Variants in OTC observed in about 807,000 individuals in gnomAD.
OTC encodes the protein ornithine transcarbamylase, mitochondrial.
Under a neutral mutation model 30.3 loss-of-function variants are expected in OTC, and 3 were observed. The ratio of observed to expected loss-of-function variants is 0.10; its 90% CI spans 0.05 to 0.26. The LOEUF (loss-of-function observed/expected upper bound fraction) is 0.26, where lower values mean the gene tolerates loss of function less well. Among genes scored for constraint, OTC ranks in the 10% least tolerant of loss-of-function variants. The pLI, the probability that OTC is intolerant of heterozygous loss-of-function variation, is 1.00. For missense variants in OTC, 194 were observed against 260.3 expected (o/e 0.75, Z 1.75); for synonymous variants, 111 against 99.7 (o/e 1.11, Z -0.67).
chrX:38,419,263 G>T (rs905759690), intron 9 of OTC, among the ~76,000 whole-genome samples: 1 of 111,933 alleles, frequency 8.9e-6, no homozygotes, highest in Non-Finnish European at 1.9e-5. Flanking sequence ...TTAAAATCAA[G>T]GAGTGTGATG....
chrX:38,400,562 G>A (rs2068480492), intron 4 of OTC, among the ~76,000 whole-genome samples: 1 of 111,773 alleles, frequency 8.9e-6, no homozygotes, highest in South Asian at 3.8e-4. Flanking sequence ...AAGGATGCGT[G>A]GGTAGGGAGA....
chrX:38,410,047 TTTA>T (rs1272316076), intron 8 of OTC, among the ~76,000 whole-genome samples: 1 of 111,695 alleles, frequency 9.0e-6, no homozygotes. Context: ...TACTTATTTA[TTTA>T]TTATTATTCT....
At chrX:38,347,266 A>G in the OTC span, among the ~76,000 whole-genome samples, 2 of 112,189 alleles carry the variant, frequency 1.8e-5, no homozygotes, top group Non-Finnish European at 3.8e-5. Flanking sequence ...TGAAGTGGCA[A>G]GTGGTAGGGA....
chrX:38,360,390 A>G (rs62589173), intron 1 of OTC, among the ~76,000 whole-genome samples: 39,021 of 110,918 alleles, frequency 0.35, 5,790 homozygotes, highest in Middle Eastern at 0.51. Context: ...TTTGTGGATC[A>G]TATGTAATCC....
intron 1 of OTC, among the ~76,000 whole-genome samples, chrX:38,355,882 C>CA (rs947061296): frequency 9.1e-6 from 1 of 110,141 alleles, no homozygotes; most frequent in Non-Finnish European, 1.9e-5. Context: ...GTTAAAAATA[C>CA]AAAAAAAGAA....
intron 3 of OTC, among the ~76,000 whole-genome samples, chrX:38,375,484 G>C (rs773148179): frequency 1.6e-4 from 18 of 111,576 alleles, no homozygotes; most frequent in African/African-American, 2.6e-4. Flanking sequence ...ATAGAAGCTG[G>C]GGTTGTGGTG....
chrX:38,418,257 C>T (rs972168858), intron 9 of OTC, among the ~76,000 whole-genome samples: 8 of 111,658 alleles, frequency 7.2e-5, no homozygotes, highest in Non-Finnish European at 1.9e-5. Context: ...AGCATTTTTT[C>T]ATGAACTTGA....
At chrX:38,371,575 G>C (rs962770886) in intron 3 of OTC, among the ~76,000 whole-genome samples, 3 of 111,893 alleles carry the variant, frequency 2.7e-5, no homozygotes, top group Non-Finnish European at 5.6e-5. Context: ...GATTAATAAT[G>C]AAGCTTACCA....
intron 4 of OTC, among the ~76,000 whole-genome samples, chrX:38,396,681 G>A (rs1177266340): frequency 9.0e-6 from 1 of 110,827 alleles, no homozygotes; most frequent in East Asian, 2.8e-4. Context: ...ACTGAGGCCG[G>A]ATAATTGCTT....
At chrX:38,333,479 A>G in the OTC span, among the ~76,000 whole-genome samples, 1 of 109,093 alleles carries the variant, frequency 9.2e-6, no homozygotes, top group Admixed American at 9.8e-5. Flanking sequence ...CTCAACAGTC[A>G]CGCATGCTTT....
the OTC span, among the ~76,000 whole-genome samples, chrX:38,336,724 G>C: frequency 2.7e-5 from 3 of 109,937 alleles, no homozygotes; most frequent in Admixed American, 2.9e-4. Context: ...TCACCTGCCC[G>C]CACCCTGTTT....
In OTC at chrX:38,421,159, A is replaced by T; in HGVS notation, c.*77A>T. 1.4e-6 allele frequency: 1 copy of T among 714,719 alleles called. No individual in the cohort carries two copies. The highest frequency in any genetic ancestry group is 2.2e-6 in the Non-Finnish European group (1 of 447,794). The allele number at this position is 714,719 out of a possible 1,213,427, so 58.9% of individuals were successfully genotyped here. A position where few individuals can be genotyped will look rare whatever the true frequency, so the allele number is the denominator to read the frequency against. Reference sequence around the variant, plus strand: ...TTGGTTTATGGGGAAAAGAGAAGAGAATCTAAAAAATAAACAAATCCCTAA... The same window carrying T: ...TTGGTTTATGGGGAAAAGAGAAGAGTATCTAAAAAATAAACAAATCCCTAA... On this transcript the variant is annotated 3_prime_UTR_variant, in exon 10 of 10. Coordinates refer to ENST00000039007, the MANE Select transcript of OTC (RefSeq NM_000531.6).
At chrX:38,404,855 C>A (rs1307252675) in intron 6 of OTC, among the ~76,000 whole-genome samples, 1 of 111,462 alleles carries the variant, frequency 9.0e-6, no homozygotes. Context: ...AGAGTCCGGG[C>A]AAACCAAGGT....
intron 3 of OTC, among the ~76,000 whole-genome samples, chrX:38,370,158 T>G (rs888458604): frequency 8.9e-5 from 10 of 112,701 alleles, no homozygotes; most frequent in African/African-American, 3.2e-4. Flanking sequence ...GGGCACACAT[T>G]TTCAGGCCTT....
intron 1 of OTC, among the ~76,000 whole-genome samples, chrX:38,366,491 A>G (rs1037699438): frequency 1.8e-5 from 2 of 111,950 alleles, no homozygotes; most frequent in African/African-American, 6.5e-5. Flanking sequence ...ATTATTTTCT[A>G]TTGTGCATTA....
intron 3 of OTC, among the ~76,000 whole-genome samples, chrX:38,375,758 G>T (rs2147327793): frequency 9.0e-6 from 1 of 111,585 alleles, no homozygotes; most frequent in South Asian, 3.7e-4. Context: ...TGGAATTTGG[G>T]AGTGAAATCT....
the OTC span, among the ~76,000 whole-genome samples, chrX:38,346,380 A>ATAT: frequency 8.9e-6 from 1 of 112,240 alleles, no homozygotes; most frequent in Non-Finnish European, 1.9e-5. Flanking sequence ...AACTCTGCAA[A>ATAT]ACCGCGTGAC....
chrX:38,405,787 G>A (rs2068513341), intron 6 of OTC, among the ~76,000 whole-genome samples: 1 of 111,396 alleles, frequency 9.0e-6, no homozygotes, highest in South Asian at 3.8e-4. Flanking sequence ...TGCTTAAAGC[G>A]GCTTTTATTC....
chrX:38,411,593 G>A (rs1465964960), intron 8 of OTC, among the ~76,000 whole-genome samples: 1 of 109,482 alleles, frequency 9.1e-6, no homozygotes, highest in Non-Finnish European at 1.9e-5. Context: ...TTGAGCTCTG[G>A]AGGCGGAGGT....
Sources: gnomAD v4.1 joint callset for allele counts (sites outside exome capture counted in the v4.1 genomes callset) on GRCh38, gnomAD v4.1.1 for gene constraint, MANE v1.5 for transcripts, NCBI Gene and HGNC (gene_info 2026-07-23, HGNC 2026-07-21) for gene names.